Variants in HERC1 observed in about 807,000 individuals in gnomAD.
The protein encoded by HERC1 is HECT and RLD domain containing E3 ubiquitin protein ligase family member 1, also known as probable E3 ubiquitin-protein ligase HERC1.
HERC1 carries 160 observed loss-of-function variants against 554.3 expected under a neutral mutation model. The observed-to-expected ratio is 0.29, with a 90% CI of 0.25 to 0.33. The LOEUF (loss-of-function observed/expected upper bound fraction) is 0.33. Ranked by LOEUF, HERC1 falls within the 10% of genes least tolerant of loss-of-function variation. The pLI is 1.00. For synonymous variants in HERC1, 2,175 were observed against 2,131.7 expected, an observed-to-expected ratio of 1.02 and a Z score of -0.56; for missense variants, 4,919 against 5,918.5, an observed-to-expected ratio of 0.83 and a Z score of 5.54.
intron 1 of HERC1, among the ~76,000 whole-genome samples, chr15:63,814,607 C>G (rs2077432821): frequency 6.6e-6 from 1 of 152,146 alleles, no homozygotes. Context: ...CAGGCGTGCA[C>G]CATCACATCC....
Position 63,716,360 on chromosome 15 carries a change from C to G in HERC1, c.4092G>C (p.Gly1364=), listed in dbSNP as rs1158225808. The change falls in exon 22 of 78, where the codon GGG becomes GGC. Residue 1364 remains glycine (G), a synonymous_variant. Coordinates refer to ENST00000443617, the MANE Select transcript of HERC1 (RefSeq NM_003922.4). ...CCTCTTCATCCTCTGGCTCCGGATG[C>G]CCCTCTTCCCGGTCTCTCTCAGCCT... ...EEQAERDREE[G]HPEPEDEEEE... 6.2e-7 allele frequency: 1 copy of G among 1,613,818 alleles called. No individual in the cohort carries two copies. The highest frequency in any genetic ancestry group is 2.2e-5 in the East Asian group (1 of 44,860).
Position 63,666,206 on chromosome 15 carries a change from T to G in HERC1, c.8324-56A>C, listed in dbSNP as rs958918683. ...CTTTGGGCAAAGAATTAGGTCTTTA[T>G]GTTATAAGAGTGTTTGCTATGATGC... On this transcript the variant is annotated intron_variant, in intron 41 of 77. Transcript: ENST00000443617. 85 of 1,482,008 alleles carry G rather than the reference T, an allele frequency of 5.7e-5. No individual in the cohort carries two copies. In the East Asian group the frequency reaches 2.0e-3, roughly 34 times the overall value. 91.8% of individuals were successfully genotyped at this position (1,482,008 alleles called of 1,614,324 possible). A position where few individuals can be genotyped will look rare whatever the true frequency, so the allele number is the denominator to read the frequency against.
intron 1 of HERC1, among the ~76,000 whole-genome samples, chr15:63,833,534 CT>C (rs1019754586): frequency 5.3e-5 from 8 of 151,986 alleles, no homozygotes; most frequent in Non-Finnish European, 1.0e-4. Flanking sequence ...GGGCGGGTCT[CT>C]CGGCCCTCTC....
intron 39 of HERC1, among the ~76,000 whole-genome samples, chr15:63,670,151 T>G (rs2070831259): frequency 1.3e-5 from 2 of 152,142 alleles, no homozygotes; most frequent in Admixed American, 6.5e-5. Flanking sequence ...AAGTAATGGT[T>G]TACAGGCAAG....
intron 34 of HERC1, among the ~76,000 whole-genome samples, chr15:63,682,207 G>A (rs2071513647): frequency 6.6e-6 from 1 of 152,130 alleles, no homozygotes; most frequent in Non-Finnish European, 1.5e-5. Flanking sequence ...CTGTTGTGAG[G>A]GGCAAAAGTT....
intron 17 of HERC1, among the ~76,000 whole-genome samples, chr15:63,726,847 G>A (rs2074062924): frequency 6.6e-6 from 1 of 152,092 alleles, no homozygotes; most frequent in South Asian, 2.1e-4. Flanking sequence ...TATAATTTTG[G>A]TAGTAAAAAC....
chr15:63,782,243 C>T (rs1238557368), intron 1 of HERC1, among the ~76,000 whole-genome samples: 1 of 152,174 alleles, frequency 6.6e-6, no homozygotes, highest in African/African-American at 2.4e-5. Flanking sequence ...AGAAATAATT[C>T]AATACCTGCC....
chr15:63,767,830 C>T (rs538088145), intron 2 of HERC1, among the ~76,000 whole-genome samples: 67 of 152,328 alleles, frequency 4.4e-4, no homozygotes, highest in Non-Finnish European at 7.8e-4. Flanking sequence ...TCTCCCTCTG[C>T]CTTCAAAAGC....
In HERC1 at chr15:63,756,434, T is replaced by C. The variant is rs2075424106; in HGVS notation, c.1533+3A>G. 1.2e-6 allele frequency: 2 copies of C among 1,605,524 alleles called. No individual in the cohort carries two copies. Among genetic ancestry groups the C allele is most frequent in the East Asian group, 2.2e-5 (1 of 44,816 alleles). ...TTTTTATAACCAAAAAGAATGCACA[T>C]ACCTTTCCTTGTAGAGGTCCCTGAA... is the stretch of plus-strand genomic sequence containing the variant. On this transcript the variant is annotated splice_donor_region_variant and intron_variant, in intron 5 of 77. Transcript: ENST00000443617. The surrounding 1 kb of genome is among the most constrained non-coding windows in gnomAD (Gnocchi z 5.0).
chr15:63,637,600 C>G lies in HERC1; in HGVS notation c.12137G>C (p.Gly4046Ala). ...TCCTTCCCCACAAGCCAACACTGTG[C>G]CATTGGCCTGGATGACAAAGGTACA... ...QNCTFVIQAN[G>A]TVLACGEGSY... The change falls in exon 64 of 78, where the codon GGC becomes GCC. Residue 4046 changes from glycine to alanine, a missense_variant. This residue lies in a region of HERC1 where 122 missense variants were observed against 195.2 expected (regional missense o/e 0.63). Coordinates refer to ENST00000443617, the MANE Select transcript of HERC1 (RefSeq NM_003922.4). 6.4e-7 allele frequency: 1 copy of G among 1,553,826 alleles called. No homozygotes were observed. The highest frequency in any genetic ancestry group is 8.7e-7 in the Non-Finnish European group (1 of 1,147,600).
intron 74 of HERC1, among the ~76,000 whole-genome samples, chr15:63,617,385 C>T (rs559880838): frequency 1.3e-5 from 2 of 152,204 alleles, no homozygotes; most frequent in Non-Finnish European, 1.5e-5. Context: ...ATAAGTGCCA[C>T]ATTTTCTTAA....
intron 34 of HERC1, among the ~76,000 whole-genome samples, chr15:63,684,371 G>A (rs1264651844): frequency 6.6e-6 from 1 of 152,200 alleles, no homozygotes; most frequent in Non-Finnish European, 1.5e-5. Flanking sequence ...GACGAAAGAT[G>A]TAGAAGGTTT....
intron 34 of HERC1, among the ~76,000 whole-genome samples, chr15:63,684,108 G>A (rs1212731660): frequency 6.6e-6 from 1 of 152,234 alleles, no homozygotes; most frequent in Non-Finnish European, 1.5e-5. Flanking sequence ...CACGAAAAGA[G>A]TGTGTTTTCT....
chr15:63,634,264 A>G (rs2068686269), intron 66 of HERC1, among the ~76,000 whole-genome samples: 1 of 152,258 alleles, frequency 6.6e-6, no homozygotes, highest in African/African-American at 2.4e-5. Flanking sequence ...ATTCATTCAT[A>G]TCAAAAAGTA....
intron 30 of HERC1, among the ~76,000 whole-genome samples, chr15:63,693,247 CT>C (rs112964926): frequency 0.76 from 103,081 of 135,488 alleles, 40,509 homozygotes; most frequent in Non-Finnish European, 0.86. Context: ...TTTTCTTTTT[CT>C]TTTTTTTTTT....
intron 54 of HERC1, among the ~76,000 whole-genome samples, chr15:63,649,254 G>T (rs539566801): frequency 6.6e-6 from 1 of 152,300 alleles, no homozygotes; most frequent in African/African-American, 2.4e-5. Context: ...TTGGGAGGCT[G>T]AGGCAGGAGA....
intron 27 of HERC1, among the ~76,000 whole-genome samples, chr15:63,695,696 A>G (rs978854363): frequency 6.6e-6 from 1 of 152,148 alleles, no homozygotes; most frequent in African/African-American, 2.4e-5. Flanking sequence ...CCGAGTCTGT[A>G]TAATCTATTT....
chr15:63,610,135 A>G (rs1250223672), intron 77 of HERC1, among the ~76,000 whole-genome samples: 2 of 151,232 alleles, frequency 1.3e-5, no homozygotes, highest in African/African-American at 4.8e-5. Flanking sequence ...GTTTGCTTAA[A>G]AAAAAAAAAA....
At chr15:63,785,808 G>A (rs757476736) in intron 1 of HERC1, among the ~76,000 whole-genome samples, 1 of 151,866 alleles carries the variant, frequency 6.6e-6, no homozygotes, top group Non-Finnish European at 1.5e-5. Flanking sequence ...AAGGGGAAGG[G>A]AAGGGAAATT....
Sources: gnomAD v4.1 joint callset for allele counts (sites outside exome capture counted in the v4.1 genomes callset) on GRCh38, gnomAD v4.1.1 for gene constraint, gnomAD v4.1.1 regional missense constraint, Gnocchi (gnomAD v3.1) non-coding constraint, MANE v1.5 for transcripts, NCBI Gene and HGNC (gene_info 2026-07-23, HGNC 2026-07-21) for gene names.